Variants in DCDC2 observed in about 807,000 individuals in gnomAD.
DCDC2 encodes doublecortin domain-containing protein 2.
A neutral mutation model predicts 50.2 loss-of-function variants in DCDC2; 40 were observed. The observed-to-expected ratio is 0.80, with a 90% CI of 0.62 to 1.04. DCDC2 has a LOEUF of 1.04. Among genes scored for constraint, DCDC2 ranks in the 50% least tolerant of loss-of-function variants. The probability of loss-of-function intolerance (pLI) is 0.00; values close to 1 mark genes in which losing one functional copy is unlikely to be tolerated. For synonymous variants in DCDC2, 234 were observed against 210.6 expected (o/e 1.11, Z -0.96); for missense variants, 570 against 581.9 (o/e 0.98, Z 0.21).
At chr6:24,326,476 TA>T (rs1183616451) in intron 2 of DCDC2, among the ~76,000 whole-genome samples, 4 of 148,848 alleles carry the variant, frequency 2.7e-5, no homozygotes, top group African/African-American at 4.9e-5. Flanking sequence ...GTGACATATA[TA>T]TATTAACTAT....
chr6:24,210,571 AT>A (rs1407142614), intron 7 of DCDC2, among the ~76,000 whole-genome samples: 1 of 152,176 alleles, frequency 6.6e-6, no homozygotes. Flanking sequence ...TCTCAAATAT[AT>A]TCATTTATTT....
intron 2 of DCDC2, among the ~76,000 whole-genome samples, chr6:24,312,931 C>T (rs577024460): frequency 2.4e-4 from 36 of 152,064 alleles, no homozygotes; most frequent in Non-Finnish European, 4.9e-4. Context: ...ATAAGTAATA[C>T]CTTCTTTGGA....
chr6:24,275,036 C>T (rs878946693), intron 7 of DCDC2, among the ~76,000 whole-genome samples: 1 of 147,222 alleles, frequency 6.8e-6, no homozygotes, highest in Non-Finnish European at 1.5e-5. Flanking sequence ...CAAATTTTTG[C>T]ATTTTTTTAC....
At position 24,174,513 on chromosome 6, in the gene DCDC2, T is replaced by C. The variant is rs1561876997; in HGVS notation, c.*217A>G. 5.5e-6 allele frequency: 2 copies of C among 364,104 alleles called. No individual in the cohort carries two copies. The highest frequency in any genetic ancestry group is 4.1e-5 in the Admixed American group (1 of 24,122). The allele number at this position is 364,104 out of a possible 1,614,324, so 22.6% of individuals were successfully genotyped here. On this transcript the variant is annotated 3_prime_UTR_variant, in exon 10 of 10. Coordinates refer to ENST00000378454, the MANE Select transcript of DCDC2 (RefSeq NM_016356.5). Reference sequence around the variant, plus strand: ...CTGTCCGTCTTATTTAATATTTCTATATGACTTTTAAAACACATGCAATAA... The same window carrying C: ...CTGTCCGTCTTATTTAATATTTCTACATGACTTTTAAAACACATGCAATAA...
At chr6:24,246,952 C>T (rs1276540756) in intron 7 of DCDC2, among the ~76,000 whole-genome samples, 1 of 152,140 alleles carries the variant, frequency 6.6e-6, no homozygotes, top group Non-Finnish European at 1.5e-5. Context: ...CCCATTTTCT[C>T]ACTACTTTTC....
At chr6:24,359,234 A>ATTTATTATATATAATATATATTT (rs1760590811), upstream of DCDC2, among the ~76,000 whole-genome samples, 1 of 48,364 alleles carries the variant, frequency 2.1e-5, no homozygotes, top group Non-Finnish European at 3.1e-5. Flanking sequence ...TATATATTTT[A>ATTTATTATATATAATATATATTT]TATATTTTAT....
chr6:24,280,099 T>C (rs1407292374), intron 6 of DCDC2, among the ~76,000 whole-genome samples: 2 of 152,240 alleles, frequency 1.3e-5, no homozygotes, highest in Non-Finnish European at 2.9e-5. Context: ...TAACTGTTCA[T>C]TTTAAGCATT....
chr6:24,182,221 A>G (rs1283522993), intron 8 of DCDC2, among the ~76,000 whole-genome samples: 1 of 152,356 alleles, frequency 6.6e-6, no homozygotes, highest in East Asian at 1.9e-4. Flanking sequence ...AGAGGAAAAC[A>G]TAAGGCAAAA....
chr6:24,285,593 T>C (rs920553325), intron 6 of DCDC2, among the ~76,000 whole-genome samples: 11 of 152,262 alleles, frequency 7.2e-5, no homozygotes, highest in Non-Finnish European at 1.0e-4. Context: ...AATCATCAGA[T>C]GAATTGATGT....
At chr6:24,343,577 A>AT (rs991958480) in intron 2 of DCDC2, among the ~76,000 whole-genome samples, 3 of 152,210 alleles carry the variant, frequency 2.0e-5, no homozygotes, top group African/African-American at 7.2e-5. Flanking sequence ...CTAAACATTG[A>AT]TTTTCTCACA....
chr6:24,200,357 C>T (rs1761557552), intron 8 of DCDC2, among the ~76,000 whole-genome samples: 1 of 152,200 alleles, frequency 6.6e-6, no homozygotes, highest in Non-Finnish European at 1.5e-5. Flanking sequence ...CAATATTCAA[C>T]ATTCTTAAAG....
At chr6:24,225,942 T>C (rs1261430694) in intron 7 of DCDC2, among the ~76,000 whole-genome samples, 1 of 152,216 alleles carries the variant, frequency 6.6e-6, no homozygotes, top group Non-Finnish European at 1.5e-5. Context: ...CTACACACCA[T>C]TGTGAACCAT....
rs9467089 is a variant in DCDC2, at chr6:24,235,249, G to A, written c.923-30147C>T. 2.3e-3 allele frequency among the ~76,000 whole-genome samples: 346 copies of A among 152,284 alleles called. 1 individual carries two copies. Among genetic ancestry groups the A allele is most frequent in the African/African-American group, 7.7e-3 (319 of 41,558 alleles). On this transcript the variant is annotated intron_variant, in intron 7 of 9. Transcript: ENST00000378454. ...TGTTTCAGCAGTCATCACAGTGAATGGGGGAGATAAGACATGGACAGATGG... is the reference window on the plus strand; with the variant it reads ...TGTTTCAGCAGTCATCACAGTGAATAGGGGAGATAAGACATGGACAGATGG...
At chr6:24,340,194 CTGG>C (rs1020799421) in intron 2 of DCDC2, among the ~76,000 whole-genome samples, 4 of 152,122 alleles carry the variant, frequency 2.6e-5, no homozygotes, top group African/African-American at 9.7e-5. Flanking sequence ...TTCTGTTTGC[CTGG>C]TGAACATACT....
At chr6:24,346,892 C>T (rs1319298893) in intron 2 of DCDC2, among the ~76,000 whole-genome samples, 1 of 152,014 alleles carries the variant, frequency 6.6e-6, no homozygotes, top group Non-Finnish European at 1.5e-5. Context: ...GAATCCATAA[C>T]TCAACCAATA....
chr6:24,235,010 A>G (rs1028025313), intron 7 of DCDC2, among the ~76,000 whole-genome samples: 13 of 152,236 alleles, frequency 8.5e-5, no homozygotes, highest in African/African-American at 2.9e-4. Context: ...ACAAAATTCA[A>G]TTTAATAGGA....
intron 8 of DCDC2, among the ~76,000 whole-genome samples, chr6:24,190,128 G>C (rs1299429606): frequency 1.3e-5 from 2 of 151,820 alleles, no homozygotes; most frequent in Non-Finnish European, 1.5e-5. Flanking sequence ...CTACAAAAAG[G>C]GTGGTTATAT....
In DCDC2 at chr6:24,220,911, T is replaced by TGAGCGAGAGAGC. The variant is rs1459047986; in HGVS notation, c.923-15810_923-15809insGCTCTCTCGCTC. 4.8e-4 allele frequency among the ~76,000 whole-genome samples: 60 copies of TGAGCGAGAGAGC among 125,390 alleles called. 2 individuals are homozygous for TGAGCGAGAGAGC. The South Asian group carries it at 7.7e-3, about 16-fold the overall frequency. The allele number at this position is 125,390 out of a possible 152,430, so 82.3% of individuals were successfully genotyped here. On this transcript the variant is annotated intron_variant, in intron 7 of 9. Coordinates refer to ENST00000378454, the MANE Select transcript of DCDC2 (RefSeq NM_016356.5). ...GAGAGTGAGCGAGCGAGCGAGAGAG[T>TGAGCGAGAGAGC]GAGCGAGCGAGCGAGAGCACATGCA...
At chr6:24,312,377 A>G (rs1206838538) in intron 2 of DCDC2, among the ~76,000 whole-genome samples, 2 of 152,234 alleles carry the variant, frequency 1.3e-5, no homozygotes, top group African/African-American at 4.8e-5. Context: ...TAGAAATTCC[A>G]TAATCCAGGG....
Sources: gnomAD v4.1 joint callset for allele counts (sites outside exome capture counted in the v4.1 genomes callset) on GRCh38, gnomAD v4.1.1 for gene constraint, MANE v1.5 for transcripts, NCBI Gene and HGNC (gene_info 2026-07-23, HGNC 2026-07-21) for gene names.